The following SLC36A1 variants were observed in gnomAD, a reference collection of about 807,000 sequenced individuals.
SLC36A1 encodes solute carrier family 36 member 1.
Under a neutral mutation model 47.5 loss-of-function variants are expected in SLC36A1, and 30 were observed. The ratio of observed to expected loss-of-function variants is 0.63; its 90% CI spans 0.47 to 0.86. The LOEUF (loss-of-function observed/expected upper bound fraction) is 0.86, where lower values mean the gene tolerates loss of function less well. Ranked by LOEUF, SLC36A1 falls within the 40% of genes least tolerant of loss-of-function variation. The pLI is 0.00. For missense variants in SLC36A1, 517 were observed against 606.0 expected, an observed-to-expected ratio of 0.85 and a Z score of 1.54; for synonymous variants, 255 against 249.7, an observed-to-expected ratio of 1.02 and a Z score of -0.20.
chr5:151,415,092 G>T, the SLC36A1 span, among the ~76,000 whole-genome samples: 3 of 152,092 alleles, frequency 2.0e-5, no homozygotes, highest in Non-Finnish European at 4.4e-5. Flanking sequence ...GAGAGGGAGG[G>T]ACTCTGTTCT....
the SLC36A1 span, chr5:151,551,336 A>G: frequency 7.3e-6 from 7 of 958,674 alleles, no homozygotes; most frequent in Non-Finnish European, 1.1e-5. Flanking sequence ...TGTATTAGAC[A>G]AGAACTTTGA....
Position 151,465,170 on chromosome 5 carries a change from G to A in SLC36A1, c.419+1G>A, listed in dbSNP as rs756545641. ...TCCGGAACCACGCACACTGGGGAAG[G>A]TAACTGATTTCCTCCTTCCTTTCAA... On this transcript the variant is annotated splice_donor_variant, in intron 5 of 10. Coordinates refer to ENST00000243389, the MANE Select transcript of SLC36A1 (RefSeq NM_078483.4). LOFTEE classifies it high-confidence loss of function. 6.2e-6 allele frequency: 10 copies of A among 1,612,832 alleles called. No individual in the cohort carries two copies. In the East Asian group the frequency reaches 6.7e-5, roughly 11 times the overall value.
chr5:151,389,277 C>T, the SLC36A1 span, among the ~76,000 whole-genome samples: 1 of 152,108 alleles, frequency 6.6e-6, no homozygotes, highest in Non-Finnish European at 1.5e-5. Context: ...GTGCTGTTCC[C>T]TCTGCTAAGA....
the SLC36A1 span, chr5:151,527,305 C>T: frequency 3.7e-6 from 6 of 1,613,198 alleles, no homozygotes; most frequent in African/African-American, 4.0e-5. Context: ...ACTTGGATAG[C>T]GATGTCTGTG....
At chr5:151,483,523 G>GC (rs1561784276) in intron 10 of SLC36A1, among the ~76,000 whole-genome samples, 4 of 144,528 alleles carry the variant, frequency 2.8e-5, no homozygotes, top group African/African-American at 1.1e-4. Context: ...TGTGTGGGGG[G>GC]GGTGATTAGG....
chr5:151,521,874 G>C, the SLC36A1 span: 1 of 1,614,118 alleles, frequency 6.2e-7, no homozygotes, highest in Admixed American at 1.7e-5. Flanking sequence ...GCCTGCCCAG[G>C]GTCTCCTCTT....
chr5:151,512,972 T>G, the SLC36A1 span, among the ~76,000 whole-genome samples: 1 of 152,212 alleles, frequency 6.6e-6, no homozygotes, highest in Admixed American at 6.5e-5. This position sits in a 1 kb window ranked among gnomAD's most constrained non-coding sequence, Gnocchi z 4.1. Context: ...GAAAAACCTG[T>G]CTCCCACTCC....
the SLC36A1 span, chr5:151,543,095 G>C: frequency 6.2e-7 from 1 of 1,614,170 alleles, no homozygotes; most frequent in African/African-American, 1.3e-5. Flanking sequence ...ACCTGAAGTC[G>C]TACTGGCACC....
intron 9 of SLC36A1, chr5:151,477,107 G>T (rs753377488): frequency 2.1e-5 from 8 of 378,196 alleles, no homozygotes; most frequent in Admixed American, 3.4e-5. Context: ...AGCATCGGTT[G>T]TGCCTCTCCC....
At chr5:151,537,339 A>T in the SLC36A1 span, among the ~76,000 whole-genome samples, 1 of 126,506 alleles carries the variant, frequency 7.9e-6, no homozygotes, top group East Asian at 2.6e-4. Context: ...GAAAGAAAAG[A>T]AAAGAAAAGA....
the SLC36A1 span, among the ~76,000 whole-genome samples, chr5:151,412,142 G>A: frequency 1.4e-5 from 2 of 144,740 alleles, no homozygotes; most frequent in Admixed American, 6.8e-5. Flanking sequence ...CTGTCTGTGT[G>A]GGTCCTAACA....
chr5:151,545,809 A>G, the SLC36A1 span: 2 of 1,614,122 alleles, frequency 1.2e-6, no homozygotes, highest in Non-Finnish European at 1.7e-6. Flanking sequence ...CATGCTATAC[A>G]GTGGAGCTGC....
chr5:151,512,737 T>C, the SLC36A1 span: 1 of 820,174 alleles, frequency 1.2e-6, no homozygotes, highest in Admixed American at 2.8e-5. The surrounding 1 kb of genome is among the most constrained non-coding windows in gnomAD (Gnocchi z 4.1). Context: ...GTTTTAGACA[T>C]GGCATTTGCA....
the SLC36A1 span, chr5:151,554,527 A>AG: frequency 6.2e-7 from 1 of 1,614,226 alleles, no homozygotes; most frequent in East Asian, 2.2e-5. Context: ...ACACAGGCCC[A>AG]GGGGACACAG....
chr5:151,483,833 C>G (rs2127541663), intron 10 of SLC36A1, among the ~76,000 whole-genome samples: 1 of 152,284 alleles, frequency 6.6e-6, no homozygotes, highest in Admixed American at 6.5e-5. Flanking sequence ...TTGCCCTCTG[C>G]AGTGTCACGC....
chr5:151,538,749 C>T, the SLC36A1 span, among the ~76,000 whole-genome samples: 27 of 152,196 alleles, frequency 1.8e-4, no homozygotes, highest in Admixed American at 7.9e-4. Context: ...ACGATCTTGG[C>T]TCACTGCAAC....
chr5:151,393,407 G>C, the SLC36A1 span, among the ~76,000 whole-genome samples: 1 of 152,104 alleles, frequency 6.6e-6, no homozygotes, highest in Non-Finnish European at 1.5e-5. Context: ...TTTACATTTA[G>C]GGTTAATAGT....
the SLC36A1 span, chr5:151,544,124 GA>G: frequency 6.2e-7 from 1 of 1,614,186 alleles, no homozygotes; most frequent in South Asian, 1.1e-5. Context: ...TCCAGTTCTT[GA>G]ACTGTGGACA....
the SLC36A1 span, among the ~76,000 whole-genome samples, chr5:151,411,951 A>T: frequency 6.9e-6 from 1 of 145,074 alleles, no homozygotes; most frequent in East Asian, 2.3e-4. Flanking sequence ...ATACTCAACC[A>T]TTTCTTAAGA....
Sources: gnomAD v4.1 joint callset for allele counts (sites outside exome capture counted in the v4.1 genomes callset) on GRCh38, gnomAD v4.1.1 for gene constraint, Gnocchi (gnomAD v3.1) non-coding constraint, MANE v1.5 for transcripts, NCBI Gene and HGNC (gene_info 2026-07-23, HGNC 2026-07-21) for gene names.